The following CERS3 variants were observed in gnomAD, a reference collection of about 807,000 sequenced individuals.
CERS3 encodes the protein LAG1 homolog, ceramide synthase 3.
In CERS3, 33 loss-of-function variants were observed where a neutral mutation model predicts 50.3. That is an observed-to-expected ratio of 0.66 (90% confidence interval 0.50 to 0.88). The LOEUF is 0.88. Among genes scored for constraint, CERS3 ranks in the 40% least tolerant of loss-of-function variants. The pLI is 0.00. For missense variants in CERS3, 470 were observed against 460.3 expected, an observed-to-expected ratio of 1.02 and a Z score of -0.19; for synonymous variants, 176 against 155.2, an observed-to-expected ratio of 1.13 and a Z score of -0.99.
chr15:100,418,512 A>T (rs2142080883), intron 11 of CERS3, among the ~76,000 whole-genome samples: 1 of 148,924 alleles, frequency 6.7e-6, no homozygotes, highest in South Asian at 2.2e-4. Context: ...ACTCTGCAGG[A>T]TATTATCCAG....
At chr15:100,514,564 T>C (rs899590109) in intron 2 of CERS3, among the ~76,000 whole-genome samples, 1 of 152,198 alleles carries the variant, frequency 6.6e-6, no homozygotes, top group Admixed American at 6.5e-5. Context: ...TTAGTAATAT[T>C]AGTTTTTTAA....
chr15:100,450,680 T>C, intron 11 of CERS3, among the ~76,000 whole-genome samples: 1 of 152,106 alleles, frequency 6.6e-6, no homozygotes. Context: ...TTGCAAGAGA[T>C]TTAGACATCC....
intron 1 of CERS3, among the ~76,000 whole-genome samples, chr15:100,535,710 T>G (rs117727520): frequency 0.016 from 1,774 of 112,652 alleles, 28 homozygotes; most frequent in Admixed American, 0.028. Flanking sequence ...TATGTGCATG[T>G]GAAGTGGGGA....
chr15:100,443,647 A>G (rs2033804213), intron 11 of CERS3, among the ~76,000 whole-genome samples: 1 of 142,164 alleles, frequency 7.0e-6, no homozygotes, highest in Admixed American at 7.1e-5. Flanking sequence ...CCTGGGCTGT[A>G]CTGCCCCAAA....
At chr15:100,419,818 G>C (rs556089739) in intron 11 of CERS3, among the ~76,000 whole-genome samples, 1 of 142,358 alleles carries the variant, frequency 7.0e-6, no homozygotes, top group Non-Finnish European at 1.5e-5. Context: ...TGAACAACCT[G>C]CTCCTGAATG....
chr15:100,522,688 A>G (rs552835795), intron 1 of CERS3, among the ~76,000 whole-genome samples: 13 of 152,278 alleles, frequency 8.5e-5, no homozygotes, highest in African/African-American at 2.9e-4. Context: ...CTATATCACT[A>G]TATCACGATC....
At chr15:100,417,822 C>G (rs1477715427) in intron 11 of CERS3, among the ~76,000 whole-genome samples, 1 of 151,852 alleles carries the variant, frequency 6.6e-6, no homozygotes. Context: ...CAAGGGCACA[C>G]TGACACCTCA....
At chr15:100,410,320 C>T (rs543402387) in intron 11 of CERS3, among the ~76,000 whole-genome samples, 2 of 152,292 alleles carry the variant, frequency 1.3e-5, no homozygotes, top group East Asian at 3.9e-4. Context: ...CCAGTACTGA[C>T]AAATATTATC....
upstream of CERS3, among the ~76,000 whole-genome samples, chr15:100,531,213 G>A (rs560203730): frequency 8.5e-5 from 13 of 152,270 alleles, no homozygotes; most frequent in Middle Eastern, 6.8e-3. Flanking sequence ...AAATCAAATC[G>A]GAACTATTTA....
At chr15:100,506,594 C>T (rs1320481543) in intron 2 of CERS3, among the ~76,000 whole-genome samples, 1 of 151,834 alleles carries the variant, frequency 6.6e-6, no homozygotes, top group Non-Finnish European at 1.5e-5. Flanking sequence ...CTTTGTAATT[C>T]TACTCCTAGG....
intron 4 of CERS3, among the ~76,000 whole-genome samples, chr15:100,487,310 C>T (rs901305606): frequency 3.3e-5 from 5 of 152,164 alleles, no homozygotes; most frequent in East Asian, 1.9e-4. Flanking sequence ...TAATAGCTGA[C>T]CTTTACTGAG....
intron 11 of CERS3, among the ~76,000 whole-genome samples, chr15:100,439,117 A>T (rs972438162): frequency 2.0e-5 from 3 of 152,180 alleles, no homozygotes; most frequent in Non-Finnish European, 4.4e-5. Flanking sequence ...AAGCAGCAGG[A>T]TGCCTGCTAA....
chr15:100,416,153 CA>C (rs1567595240), intron 11 of CERS3, among the ~76,000 whole-genome samples: 1 of 151,936 alleles, frequency 6.6e-6, no homozygotes, highest in Non-Finnish European at 1.5e-5. Context: ...CATACAGAAC[CA>C]AAAAAGAGCC....
chr15:100,544,501 G>GGACACGGGCCCTCTCTCGGCCTTGA (rs2037307527), intron 1 of CERS3: 6 of 148,192 alleles, frequency 4.0e-5, no homozygotes, highest in African/African-American at 1.3e-4. Context: ...CTCGACCTGG[G>GGACACGGGCCCTCTCTCGGCCTTGA]CCTGCGCGGG....
intron 4 of CERS3, among the ~76,000 whole-genome samples, chr15:100,489,346 A>G (rs1418051114): frequency 7.2e-5 from 11 of 152,278 alleles, no homozygotes; most frequent in Non-Finnish European, 1.6e-4. Flanking sequence ...AAGTTTCCTC[A>G]TCTTAATCAT....
At chr15:100,466,861 T>TCTTTCTCGCTTTCTC (rs760044180) in intron 10 of CERS3, among the ~76,000 whole-genome samples, 1 of 35,126 alleles carries the variant, frequency 2.8e-5, no homozygotes, top group African/African-American at 1.0e-4. Flanking sequence ...CTCTCTTTCT[T>TCTTTCTCGCTTTCTC]TCTTTCTTTC....
chr15:100,454,586 C>G (rs897627534), intron 11 of CERS3, among the ~76,000 whole-genome samples: 2 of 151,846 alleles, frequency 1.3e-5, no homozygotes, highest in Non-Finnish European at 2.9e-5. Flanking sequence ...TATAAGATCC[C>G]AAAATATAAA....
At chr15:100,429,330 C>G (rs779888414) in intron 11 of CERS3, among the ~76,000 whole-genome samples, 2 of 152,162 alleles carry the variant, frequency 1.3e-5, no homozygotes, top group Non-Finnish European at 2.9e-5. Flanking sequence ...GAGGGAAACT[C>G]TGGAGGCTAT....
At chr15:100,433,894 G>A (rs2033265689) in intron 11 of CERS3, among the ~76,000 whole-genome samples, 1 of 152,254 alleles carries the variant, frequency 6.6e-6, no homozygotes, top group Non-Finnish European at 1.5e-5. Flanking sequence ...CCAATACCCT[G>A]GGGCCCTCTT....
Sources: allele counts gnomAD v4.1 joint callset (sites outside exome capture counted in the v4.1 genomes callset), GRCh38; gene constraint gnomAD v4.1.1; transcripts MANE v1.5; gene names NCBI Gene and HGNC (gene_info 2026-07-23, HGNC 2026-07-21).